Variants in MALRD1 observed in about 807,000 individuals in gnomAD.
MALRD1 encodes MAM and LDL-receptor class A domain-containing protein 1.
In MALRD1, 247 loss-of-function variants were observed where a neutral mutation model predicts 242.1. The ratio of observed to expected loss-of-function variants is 1.02; its 90% CI spans 0.92 to 1.13. The LOEUF is 1.13. Among genes scored for constraint, MALRD1 ranks in the 50% most tolerant of loss-of-function variants. The pLI is 0.00. For synonymous variants in MALRD1, 995 were observed against 866.6 expected (o/e 1.15, Z -2.60); for missense variants, 2,989 against 2,533.1 (o/e 1.18, Z -3.86).
chr10:19,176,366 C>CTT (rs11443184), intron 14 of MALRD1, among the ~76,000 whole-genome samples: 914 of 87,290 alleles, frequency 0.01, 150 homozygotes, highest in African/African-American at 0.033. Context: ...TTTCTGGGTG[C>CTT]TTTTTTTTTT....
At chr10:19,592,755 A>G (rs868780279) in intron 33 of MALRD1, among the ~76,000 whole-genome samples, 4,439 of 119,390 alleles carry the variant, frequency 0.037, 191 homozygotes, top group African/African-American at 0.11. Context: ...ACACACACAC[A>G]CACACACGCA....
At chr10:19,079,703 G>C (rs1835423557) in intron 2 of MALRD1, among the ~76,000 whole-genome samples, 1 of 151,776 alleles carries the variant, frequency 6.6e-6, no homozygotes, top group Non-Finnish European at 1.5e-5. Flanking sequence ...ATTCTTGATT[G>C]GTTGACCCAT....
At chr10:19,263,541 A>G (rs2131825693) in intron 19 of MALRD1, among the ~76,000 whole-genome samples, 1 of 152,060 alleles carries the variant, frequency 6.6e-6, no homozygotes, top group East Asian at 1.9e-4. Flanking sequence ...TAAGTTTCTT[A>G]CGTAGTTTGA....
intron 14 of MALRD1, among the ~76,000 whole-genome samples, chr10:19,187,681 G>C (rs774793662): frequency 3.3e-5 from 5 of 152,080 alleles, no homozygotes; most frequent in Non-Finnish European, 5.9e-5. Flanking sequence ...GATTGAGTTG[G>C]AGGCCGGAAT....
In MALRD1 at chr10:19,526,899, G is replaced by A. The variant is rs1017757244; in HGVS notation, c.5321-4295G>A. ...TGCTAAGCTGGTTTTAGTAGTTGCTGTCACAAAAGTGACATTTACTGGGGA... is the reference window on the plus strand; with the variant it reads ...TGCTAAGCTGGTTTTAGTAGTTGCTATCACAAAAGTGACATTTACTGGGGA... On this transcript the variant is annotated intron_variant, in intron 31 of 39. Transcript: ENST00000454679. 3.3e-5 allele frequency among the ~76,000 whole-genome samples: 5 copies of A among 152,076 alleles called. 1 individual carries two copies. The highest frequency in any genetic ancestry group is 7.4e-5 in the Non-Finnish European group (5 of 67,984).
At chr10:19,352,836 G>T (rs1189035715) in intron 26 of MALRD1, among the ~76,000 whole-genome samples, 1 of 152,060 alleles carries the variant, frequency 6.6e-6, no homozygotes, top group African/African-American at 2.4e-5. Flanking sequence ...TGAGTTGGCA[G>T]ATGTTCAGTA....
intron 14 of MALRD1, among the ~76,000 whole-genome samples, chr10:19,196,172 A>G (rs1487642117): frequency 6.6e-6 from 1 of 152,142 alleles, no homozygotes; most frequent in Non-Finnish European, 1.5e-5. Flanking sequence ...AGTCTTTTCT[A>G]TAAGAAAGAA....
chr10:19,303,095 A>G (rs1842020831), intron 21 of MALRD1, among the ~76,000 whole-genome samples: 1 of 151,686 alleles, frequency 6.6e-6, no homozygotes, highest in Non-Finnish European at 1.5e-5. Flanking sequence ...AGACTGGATG[A>G]AAAGTTATAC....
intron 18 of MALRD1, among the ~76,000 whole-genome samples, chr10:19,232,130 T>C (rs1431298958): frequency 6.6e-6 from 1 of 151,946 alleles, no homozygotes; most frequent in African/African-American, 2.4e-5. Flanking sequence ...CAGGTCAAAA[T>C]AAAAATTAAA....
intron 38 of MALRD1, among the ~76,000 whole-genome samples, chr10:19,699,080 T>A (rs1833502139): frequency 1.3e-5 from 2 of 152,000 alleles, no homozygotes; most frequent in South Asian, 4.2e-4. Flanking sequence ...TTAGGACAAA[T>A]ACCTAATGCC....
At chr10:19,568,161 A>T (rs1356801287) in intron 33 of MALRD1, among the ~76,000 whole-genome samples, 1 of 152,146 alleles carries the variant, frequency 6.6e-6, no homozygotes, top group African/African-American at 2.4e-5. Context: ...AGAAAAAAAA[A>T]GTTCTATTCT....
chr10:19,449,011 A>G (rs972509732), intron 28 of MALRD1, among the ~76,000 whole-genome samples: 6 of 152,170 alleles, frequency 3.9e-5, no homozygotes, highest in Non-Finnish European at 8.8e-5. Flanking sequence ...TACAACCTGA[A>G]TAATTACACA....
At chr10:19,440,613 G>C (rs982013391) in intron 28 of MALRD1, among the ~76,000 whole-genome samples, 6 of 152,024 alleles carry the variant, frequency 3.9e-5, no homozygotes, top group Non-Finnish European at 5.9e-5. Flanking sequence ...CTATTCTTGC[G>C]ATAGTTTTCT....
At chr10:19,064,324 CG>C (rs1834907750) in intron 1 of MALRD1, among the ~76,000 whole-genome samples, 1 of 152,072 alleles carries the variant, frequency 6.6e-6, no homozygotes. Flanking sequence ...TTTATTACAG[CG>C]GATAGTTTCA....
intron 4 of MALRD1, among the ~76,000 whole-genome samples, chr10:19,099,759 A>G (rs1001013661): frequency 1.0e-5 from 1 of 96,750 alleles, no homozygotes; most frequent in Non-Finnish European, 2.1e-5. Flanking sequence ...CTATATATAT[A>G]TATATTTTTT....
At chr10:19,640,910 T>C (rs1229665738) in intron 36 of MALRD1, among the ~76,000 whole-genome samples, 1 of 152,142 alleles carries the variant, frequency 6.6e-6, no homozygotes, top group East Asian at 1.9e-4. Flanking sequence ...TGGAGTTTTG[T>C]ATATGAAAAA....
intron 18 of MALRD1, among the ~76,000 whole-genome samples, chr10:19,245,656 A>C (rs2131763697): frequency 6.6e-6 from 1 of 152,314 alleles, no homozygotes; most frequent in African/African-American, 2.4e-5. Context: ...TTAGATTAGT[A>C]GCTCTTAAAT....
intron 24 of MALRD1, among the ~76,000 whole-genome samples, chr10:19,336,475 A>C (rs973273029): frequency 3.9e-5 from 6 of 152,178 alleles, no homozygotes; most frequent in Non-Finnish European, 7.4e-5. Flanking sequence ...AAGCACACAC[A>C]GAACATTTAG....
At position 19,352,246 on chromosome 10, in the gene MALRD1, C is replaced by T. The variant is rs745359799; in HGVS notation, c.4390C>T (p.Leu1464=). 38 of 1,550,252 alleles carry T rather than the reference C, an allele frequency of 2.5e-5. No individual in the cohort carries two copies. Among genetic ancestry groups the T allele is most frequent in the Non-Finnish European group, 3.1e-5 (36 of 1,146,876 alleles). Reference sequence around the variant, plus strand: ...TGACATTGTGCTTACAGAAAATTGTCTATCACTCCATGATTCCGTGCAAGA... The same window carrying T: ...TGACATTGTGCTTACAGAAAATTGTTTATCACTCCATGATTCCGTGCAAGA... ...LDDIVLTENC[L]SLHDSVQEEL... Residue 1464 remains leucine, a synonymous_variant, in exon 26 of 40, where the codon CTA becomes TTA. Coordinates refer to ENST00000454679, the MANE Select transcript of MALRD1 (RefSeq NM_001142308.3).
Sources: allele counts gnomAD v4.1 joint callset (sites outside exome capture counted in the v4.1 genomes callset), GRCh38; gene constraint gnomAD v4.1.1; transcripts MANE v1.5; gene names NCBI Gene and HGNC (gene_info 2026-07-23, HGNC 2026-07-21).